The following RPS6KC1 variants were observed in gnomAD, a reference collection of about 807,000 sequenced individuals.
RPS6KC1 encodes ribosomal protein S6 kinase C1, also known as inactive ribosomal protein S6 kinase delta-1.
RPS6KC1 carries 54 observed loss-of-function variants against 103.8 expected under a neutral mutation model. That is an observed-to-expected ratio of 0.52 (90% CI 0.42 to 0.65). The LOEUF is 0.65. Among genes scored for constraint, RPS6KC1 ranks in the 30% least tolerant of loss-of-function variants. RPS6KC1 has a pLI of 0.00. For synonymous variants in RPS6KC1, 439 were observed against 438.7 expected (o/e 1.00, Z -0.01); for missense variants, 1,151 against 1,253.8 (o/e 0.92, Z 1.24).
chr1:213,452,675 C>T, the RPS6KC1 span, among the ~76,000 whole-genome samples: 3,195 of 152,278 alleles, frequency 0.021, 137 homozygotes, highest in African/African-American at 0.072. Context: ...TCCACTGCCC[C>T]GCCTCCGCAG....
the RPS6KC1 span, among the ~76,000 whole-genome samples, chr1:213,290,436 G>A: frequency 3.9e-5 from 6 of 152,144 alleles, no homozygotes; most frequent in African/African-American, 1.2e-4. Context: ...TTTAAAAGGC[G>A]GGGAGGAAGG....
the RPS6KC1 span, among the ~76,000 whole-genome samples, chr1:213,715,911 A>T: frequency 6.6e-6 from 1 of 152,164 alleles, no homozygotes; most frequent in South Asian, 2.1e-4. Context: ...CCCTCTCAAG[A>T]TTTGAATGCT....
chr1:213,743,015 A>C, the RPS6KC1 span, among the ~76,000 whole-genome samples: 2 of 152,244 alleles, frequency 1.3e-5, no homozygotes, highest in African/African-American at 4.8e-5. Flanking sequence ...TTACCATTCA[A>C]CCCAGCAATC....
At chr1:213,206,985 C>T (rs902854261) in intron 8 of RPS6KC1, among the ~76,000 whole-genome samples, 2 of 152,116 alleles carry the variant, frequency 1.3e-5, no homozygotes, top group Admixed American at 6.5e-5. Context: ...CTGCTGTGCG[C>T]CTGTAATCCC....
At chr1:213,275,631 C>G (rs767903329), downstream of RPS6KC1, among the ~76,000 whole-genome samples, 1 of 151,870 alleles carries the variant, frequency 6.6e-6, no homozygotes, top group Non-Finnish European at 1.5e-5. Flanking sequence ...GGGTACAATG[C>G]GATATTTCTA....
chr1:213,705,530 T>A, the RPS6KC1 span, among the ~76,000 whole-genome samples: 4 of 152,298 alleles, frequency 2.6e-5, no homozygotes, highest in African/African-American at 9.6e-5. Flanking sequence ...TGGACTCCCC[T>A]CTGCCCCAGG....
chr1:213,499,265 A>T, the RPS6KC1 span, among the ~76,000 whole-genome samples: 1 of 152,236 alleles, frequency 6.6e-6, no homozygotes, highest in Admixed American at 6.5e-5. Flanking sequence ...CAAAATGATC[A>T]TCATATTCAT....
chr1:213,280,557 T>C, the RPS6KC1 span, among the ~76,000 whole-genome samples: 2 of 152,188 alleles, frequency 1.3e-5, no homozygotes, highest in Non-Finnish European at 2.9e-5. Flanking sequence ...TGCTCTGTGT[T>C]TTCTTTAAAA....
At chr1:213,195,167 A>G (rs1169922342) in intron 8 of RPS6KC1, among the ~76,000 whole-genome samples, 1 of 152,220 alleles carries the variant, frequency 6.6e-6, no homozygotes, top group Non-Finnish European at 1.5e-5. Context: ...TAACAGGAGA[A>G]TCACAGAGTG....
At chr1:213,169,389 A>T (rs1445129419) in intron 7 of RPS6KC1, among the ~76,000 whole-genome samples, 1 of 152,224 alleles carries the variant, frequency 6.6e-6, no homozygotes, top group Non-Finnish European at 1.5e-5. Flanking sequence ...ACATAATCTA[A>T]CATAATGATT....
chr1:213,602,090 T>TTCTCTTTCTTTCTTTC, the RPS6KC1 span, among the ~76,000 whole-genome samples: 1 of 37,536 alleles, frequency 2.7e-5, no homozygotes, highest in Non-Finnish European at 4.6e-5. Flanking sequence ...CTTTCTTTCT[T>TTCTCTTTCTTTCTTTC]TCTTTCTTTC....
the RPS6KC1 span, among the ~76,000 whole-genome samples, chr1:213,813,713 C>T: frequency 0.041 from 6,219 of 152,142 alleles, 168 homozygotes; most frequent in Middle Eastern, 0.085. Context: ...TTCTGTGGTG[C>T]TCATGGAAGA....
At chr1:213,057,752 C>CTTTTTTTTTTTTTTTTTTTT (rs869259657) in intron 1 of RPS6KC1, among the ~76,000 whole-genome samples, 1 of 73,664 alleles carries the variant, frequency 1.4e-5, no homozygotes, top group Non-Finnish European at 2.4e-5. Context: ...TCTGAAGTAT[C>CTTTTTTTTTTTTTTTTTTTT]TTTTTTTTTT....
chr1:213,199,717 A>G (rs2093083412), intron 8 of RPS6KC1, among the ~76,000 whole-genome samples: 2 of 152,064 alleles, frequency 1.3e-5, no homozygotes, highest in South Asian at 4.1e-4. Context: ...CTGTTTGCAC[A>G]GTGCTATATC....
At chr1:213,075,917 C>G (rs141736975) in intron 2 of RPS6KC1, among the ~76,000 whole-genome samples, 22 of 152,276 alleles carry the variant, frequency 1.4e-4, no homozygotes, top group Middle Eastern at 3.4e-3. Flanking sequence ...TTTTGTGAAG[C>G]CTTCTCAGAC....
chr1:213,215,491 A>T (rs982912546), intron 8 of RPS6KC1, among the ~76,000 whole-genome samples: 1 of 152,236 alleles, frequency 6.6e-6, no homozygotes, highest in Non-Finnish European at 1.5e-5. Context: ...CAATCTAGCA[A>T]GGCAGGCCAA....
At chr1:213,587,085 T>C in the RPS6KC1 span, among the ~76,000 whole-genome samples, 1 of 152,224 alleles carries the variant, frequency 6.6e-6, no homozygotes, top group Non-Finnish European at 1.5e-5. Context: ...CTTTCACCCA[T>C]GATCTGCAAT....
chr1:213,651,274 G>A, the RPS6KC1 span, among the ~76,000 whole-genome samples: 1 of 152,190 alleles, frequency 6.6e-6, no homozygotes, highest in Non-Finnish European at 1.5e-5. Context: ...ACTGGCAGGT[G>A]GAGCCTGGGC....
the RPS6KC1 span, among the ~76,000 whole-genome samples, chr1:213,804,420 G>C: frequency 6.6e-6 from 1 of 152,070 alleles, no homozygotes; most frequent in African/African-American, 2.4e-5. Flanking sequence ...AAACACTCCA[G>C]GCACTCTCAG....
Sources: allele counts gnomAD v4.1 joint callset (sites outside exome capture counted in the v4.1 genomes callset), GRCh38; gene constraint gnomAD v4.1.1; transcripts MANE v1.5; gene names NCBI Gene and HGNC (gene_info 2026-07-23, HGNC 2026-07-21).